Variants in ADCY1 observed in about 807,000 individuals in gnomAD.
ADCY1 encodes the protein adenylate cyclase type 1.
ADCY1 carries 28 observed loss-of-function variants against 105.4 expected under a neutral mutation model. The observed-to-expected ratio is 0.27, with a 90% CI of 0.20 to 0.36. The LOEUF (loss-of-function observed/expected upper bound fraction) is 0.36. Among genes scored for constraint, ADCY1 ranks in the 10% least tolerant of loss-of-function variants. The pLI, the probability that ADCY1 is intolerant of heterozygous loss-of-function variation, is 1.00. For synonymous variants in ADCY1, 655 were observed against 623.8 expected, an observed-to-expected ratio of 1.05 and a Z score of -0.75; for missense variants, 977 against 1,434.2, an observed-to-expected ratio of 0.68 and a Z score of 5.15.
At position 45,697,296 on chromosome 7, in the gene ADCY1, G is replaced by A. The variant is rs544191530; in HGVS notation, c.2455-6080G>A. Among the ~76,000 whole-genome samples the A allele has an allele frequency of 2.1e-4, 32 of 151,948 alleles. 1 individual carries two copies. In the South Asian group the frequency reaches 6.0e-3, roughly 29 times the overall value. On this transcript the variant is annotated intron_variant, in intron 14 of 19. Transcript: ENST00000297323. ...TCCGTGTACAGTGACGGTGGACCTC[G>A]TGAATCACTGAGAGCAGATCTCCCA...
In ADCY1 at chr7:45,703,528, C is replaced by T. The variant is rs761485590; in HGVS notation, c.2571+36C>T. 45 of 1,613,594 alleles carry T rather than the reference C, an allele frequency of 2.8e-5. No homozygotes were observed. The highest frequency in any genetic ancestry group is 2.6e-4 in the South Asian group (24 of 91,046). On this transcript the variant is annotated intron_variant, in intron 15 of 19. Coordinates refer to ENST00000297323, the MANE Select transcript of ADCY1 (RefSeq NM_021116.4). This position sits in a 1 kb window ranked among gnomAD's most constrained non-coding sequence, Gnocchi z 5.9. ...AGCCTGCTCCTGGCCAGCACTAGCCCTACACTGCTCTGGCCACCCCACTTG... is the reference window on the plus strand; with the variant it reads ...AGCCTGCTCCTGGCCAGCACTAGCCTTACACTGCTCTGGCCACCCCACTTG...
At chr7:45,603,406 C>A (rs573808746) in intron 2 of ADCY1, among the ~76,000 whole-genome samples, 2 of 152,174 alleles carry the variant, frequency 1.3e-5, no homozygotes, top group African/African-American at 4.8e-5. Flanking sequence ...GTGGCTGCAC[C>A]ATTTTCCATC....
At chr7:45,609,638 A>G (rs1465183471) in intron 2 of ADCY1, among the ~76,000 whole-genome samples, 2 of 152,132 alleles carry the variant, frequency 1.3e-5, no homozygotes, top group African/African-American at 4.8e-5. Flanking sequence ...CTCACACCAC[A>G]TTTCTGGAAC....
At chr7:45,646,257 G>A (rs530630860) in intron 4 of ADCY1, among the ~76,000 whole-genome samples, 1 of 152,252 alleles carries the variant, frequency 6.6e-6, no homozygotes, top group East Asian at 1.9e-4. Flanking sequence ...TCGCATCCCT[G>A]GTGAGTCCCT....
At chr7:45,711,624 TATATATATATATATATATATACACAC>T (rs1562735544) in intron 19 of ADCY1, among the ~76,000 whole-genome samples, 1 of 31,904 alleles carries the variant, frequency 3.1e-5, no homozygotes, top group African/African-American at 6.8e-5. Context: ...TATATATATA[TATATATATATATATATATATACACAC>T]ACACACGTAT....
intron 4 of ADCY1, among the ~76,000 whole-genome samples, chr7:45,636,657 C>T (rs1794405261): frequency 6.6e-6 from 1 of 152,218 alleles, no homozygotes; most frequent in African/African-American, 2.4e-5. Context: ...TCTCCTGCCT[C>T]AACCTCTCTA....
chr7:45,627,068 G>A lies in ADCY1; in HGVS notation c.1020+4325G>A, dbSNP rs559455380. Reference sequence around the variant, plus strand: ...TAAGAGCCTTAGTTGAAAGTCTTGAGTTTGGCTGCACTATGCAACATGAGG... The same window carrying A: ...TAAGAGCCTTAGTTGAAAGTCTTGAATTTGGCTGCACTATGCAACATGAGG... On this transcript the variant is annotated intron_variant, in intron 4 of 19. Coordinates refer to ENST00000297323, the MANE Select transcript of ADCY1 (RefSeq NM_021116.4). 2.6e-5 allele frequency among the ~76,000 whole-genome samples: 4 copies of A among 152,338 alleles called. No homozygotes were observed. The South Asian group carries it at 6.2e-4, about 24-fold the overall frequency.
Position 45,622,228 on chromosome 7 carries a change from G to C in ADCY1, c.909-404G>C, listed in dbSNP as rs138881453. ...TTCAGCTGGCAGAAGGGGAAAATTA[G>C]GATGTGGAGGGGCCCACATGCTGAA... On this transcript the variant is annotated intron_variant, in intron 3 of 19. Coordinates refer to ENST00000297323, the MANE Select transcript of ADCY1 (RefSeq NM_021116.4). Among the ~76,000 whole-genome samples the C allele has an allele frequency of 9.9e-4, 150 of 152,262 alleles. 5 individuals carry two copies. In the East Asian group the frequency reaches 0.019, roughly 19 times the overall value.
intron 1 of ADCY1, among the ~76,000 whole-genome samples, chr7:45,579,208 G>A (rs1484112982): frequency 6.6e-6 from 1 of 152,086 alleles, no homozygotes; most frequent in African/African-American, 2.4e-5. Flanking sequence ...GTGTGCGCTG[G>A]TGACACCAAT....
chr7:45,675,967 T>A (rs1001538156), intron 8 of ADCY1, among the ~76,000 whole-genome samples: 4 of 152,176 alleles, frequency 2.6e-5, no homozygotes, highest in Non-Finnish European at 5.9e-5. Flanking sequence ...TTACACCCTT[T>A]TTCTTCCTTT....
At chr7:45,694,494 A>T (rs927958521) in intron 14 of ADCY1, among the ~76,000 whole-genome samples, 2 of 152,224 alleles carry the variant, frequency 1.3e-5, no homozygotes, top group African/African-American at 4.8e-5. Flanking sequence ...TATAATACAA[A>T]GCACCTGTAT....
chr7:45,633,352 G>A (rs1475577638), intron 4 of ADCY1, among the ~76,000 whole-genome samples: 3 of 152,146 alleles, frequency 2.0e-5, no homozygotes, highest in African/African-American at 7.2e-5. Context: ...AAATATATTG[G>A]AAAATACTTT....
At chr7:45,621,714 A>G (rs1488782516) in intron 3 of ADCY1, among the ~76,000 whole-genome samples, 3 of 152,056 alleles carry the variant, frequency 2.0e-5, no homozygotes, top group East Asian at 1.9e-4. Context: ...AAAATAGGTC[A>G]TTTTCCTTTA....
rs1331138496 is a variant in ADCY1, at chr7:45,711,690, CAT to C, written c.3057+1043_3057+1044del. Among the ~76,000 whole-genome samples the C allele has an allele frequency of 1.6e-3, 226 of 137,944 alleles. 1 individual carries two copies. Among genetic ancestry groups the C allele is most frequent in the African/African-American group, 5.5e-3 (205 of 37,494 alleles). The allele number at this position is 137,944 out of a possible 152,430, so 90.5% of individuals were successfully genotyped here. ...ACACATATACACATATATACACACA[CAT>C]ATATGTATATATACATATATGTGTG... On this transcript the variant is annotated intron_variant, in intron 19 of 19. Transcript: ENST00000297323.
In ADCY1 at chr7:45,685,036, G is replaced by T. The variant is rs1489363709; in HGVS notation, c.2041G>T (p.Val681Phe). 1.2e-6 allele frequency: 2 copies of T among 1,614,074 alleles called. No individual in the cohort carries two copies. The highest frequency in any genetic ancestry group is 1.7e-6 in the Non-Finnish European group (2 of 1,180,024). ...IRTVLCIFIV[V>F]LIYSVAQGCV... Reference sequence around the variant, plus strand: ...CACTGTCCTGTGTATTTTCATAGTGGTCTTAATCTACTCAGTAGCCCAAGG... The same window carrying T: ...CACTGTCCTGTGTATTTTCATAGTGTTCTTAATCTACTCAGTAGCCCAAGG... Residue 681 changes from valine to phenylalanine, a missense_variant, in exon 12 of 20, where the codon GTC becomes TTC. Around this residue, in one of 7 missense-constraint regions of ADCY1, gnomAD observed 275 missense variants for 362.1 expected, o/e 0.76. Transcript: ENST00000297323.
intron 8 of ADCY1, 26 bp from the exon 9 acceptor site, chr7:45,677,843 C>A: frequency 6.2e-7 from 1 of 1,601,318 alleles, no homozygotes; most frequent in Non-Finnish European, 8.5e-7. Flanking sequence ...TTTGATGATA[C>A]TCCTTTATTT....
chr7:45,693,197 G>A (rs543475509), intron 14 of ADCY1, among the ~76,000 whole-genome samples: 2 of 152,142 alleles, frequency 1.3e-5, no homozygotes, highest in South Asian at 4.2e-4. Context: ...CTTGATCATG[G>A]TGGATAAGCT....
chr7:45,649,660 C>T (rs1326137529), intron 5 of ADCY1, among the ~76,000 whole-genome samples: 1 of 152,202 alleles, frequency 6.6e-6, no homozygotes, highest in South Asian at 2.1e-4. Flanking sequence ...CGTGGGCTGC[C>T]CCATGCAGTG....
chr7:45,579,480 G>A (rs953939882), intron 1 of ADCY1, among the ~76,000 whole-genome samples: 4 of 149,240 alleles, frequency 2.7e-5, no homozygotes, highest in Admixed American at 6.7e-5. Context: ...ACTCCCCCAC[G>A]GACCCCTCCT....
Sources: gnomAD v4.1 joint callset for allele counts (sites outside exome capture counted in the v4.1 genomes callset) on GRCh38, gnomAD v4.1.1 for gene constraint, gnomAD v4.1.1 regional missense constraint, Gnocchi (gnomAD v3.1) non-coding constraint, MANE v1.5 for transcripts, NCBI Gene and HGNC (gene_info 2026-07-23, HGNC 2026-07-21) for gene names.